Variants in GNA13 observed in about 807,000 individuals in gnomAD.
GNA13 encodes the protein guanine nucleotide-binding protein subunit alpha-13.
GNA13 carries 4 observed loss-of-function variants against 33.5 expected under a neutral mutation model. That is an observed-to-expected ratio of 0.12 (90% CI 0.06 to 0.27). The LOEUF is 0.27. Among genes scored for constraint, GNA13 ranks in the 10% least tolerant of loss-of-function variants. GNA13 has a pLI of 1.00. For synonymous variants in GNA13, 176 were observed against 183.8 expected (o/e 0.96, Z 0.34); for missense variants, 319 against 487.2 (o/e 0.65, Z 3.25).
intron 2 of GNA13, among the ~76,000 whole-genome samples, chr17:65,022,523 T>G (rs889715423): frequency 1.3e-5 from 2 of 152,180 alleles, no homozygotes; most frequent in African/African-American, 4.8e-5. Context: ...GGTAAAGCAT[T>G]ATTTATTATG....
At chr17:65,037,777 G>GACAAAAAAAAAA (rs145051963) in intron 2 of GNA13, among the ~76,000 whole-genome samples, 2 of 82,042 alleles carry the variant, frequency 2.4e-5, no homozygotes, top group African/African-American at 1.0e-4. Flanking sequence ...CTACAAAAAT[G>GACAAAAAAAAAA]GAAAAAAAAA....
Position 65,056,499 on chromosome 17 carries a change from T to C in GNA13, c.95A>G (p.Lys32Arg), listed in dbSNP as rs1303102438. 6.2e-7 allele frequency: 1 copy of C among 1,613,498 alleles called. No homozygotes were observed. Among genetic ancestry groups the C allele is most frequent in the South Asian group, 1.1e-5 (1 of 91,082 alleles). ...CCGAGACAGGCATTTGTCGATCTCCTTGGACTTGCGTTGCTGCTCGGCCTC... is the reference window on the plus strand; with the variant it reads ...CCGAGACAGGCATTTGTCGATCTCCCTGGACTTGCGTTGCTGCTCGGCCTC... ...SGEAEQQRKS[K>R]EIDKCLSREK... Residue 32 changes from lysine (K) to arginine (R), a missense_variant, in exon 1 of 4, where the codon AAG becomes AGG. By Grantham distance (26) the Lys-to-Arg change is conservative. This residue lies in a region of GNA13 where 47 missense variants were observed against 64.7 expected (regional missense o/e 0.73). Coordinates refer to ENST00000439174, the MANE Select transcript of GNA13 (RefSeq NM_006572.6).
Position 65,053,629 on chromosome 17 carries a change from C to T in GNA13, c.383G>A (p.Arg128Gln), listed in dbSNP as rs1322265190. The T allele has an allele frequency of 6.2e-7, 1 of 1,613,522 alleles. No homozygotes were observed. The highest frequency in any genetic ancestry group is 1.3e-5 in the African/African-American group (1 of 74,982). The stretch of plus-strand genomic sequence containing the variant: ...CATTCCTTGGGCTGCCATGGGGGCC[C>T]GGGTATCAAACGACATCATCTTATC... ...HGDKMMSFDT[R>Q]APMAAQGMVE... Residue 128 changes from arginine (R) to glutamine (Q), a missense_variant, in exon 2 of 4, where the codon CGG (arginine) becomes CAG (glutamine). Arg to Gln is a conservative substitution (Grantham distance 43). Transcript: ENST00000439174.
chr17:65,032,142 G>C (rs1338747037), intron 2 of GNA13, among the ~76,000 whole-genome samples: 7 of 152,000 alleles, frequency 4.6e-5, no homozygotes, highest in Non-Finnish European at 8.8e-5. Flanking sequence ...AAAGTTTTCA[G>C]CAACAATTAA....
rs145051963 is a variant in GNA13 at position 65,037,777 on chromosome 17, G to GAAAAAAAAA, written c.510+15724_510+15725insTTTTTTTTT. ...AGAGAGACCCAGCCTCTACAAAAAT[G>GAAAAAAAAA]GAAAAAAAAAAAAAAAAAAAAAAGA... On this transcript the variant is annotated intron_variant, in intron 2 of 3. Transcript: ENST00000439174. 8.7e-4 allele frequency among the ~76,000 whole-genome samples: 71 copies of GAAAAAAAAA among 82,052 alleles called. 27 individuals carry two copies. The highest frequency in any genetic ancestry group is 8.5e-3 in the South Asian group (17 of 2,006). 53.8% of individuals were successfully genotyped at this position (82,052 alleles called of 152,430 possible).
chr17:65,017,056 T>G (rs1906395271), intron 3 of GNA13, among the ~76,000 whole-genome samples: 2 of 152,198 alleles, frequency 1.3e-5, no homozygotes, highest in African/African-American at 4.8e-5. Flanking sequence ...TTTGGACTAT[T>G]TCCTAAGATT....
At chr17:65,048,600 C>A (rs1907753080) in intron 2 of GNA13, among the ~76,000 whole-genome samples, 1 of 152,110 alleles carries the variant, frequency 6.6e-6, no homozygotes, top group Non-Finnish European at 1.5e-5. Context: ...TTAGCTGACC[C>A]ATGATGGAAC....
At chr17:65,028,106 G>A (rs1226630038) in intron 2 of GNA13, among the ~76,000 whole-genome samples, 2 of 152,188 alleles carry the variant, frequency 1.3e-5, no homozygotes, top group East Asian at 1.9e-4. Flanking sequence ...GGTGCCTGTA[G>A]TCCCAGCTAC....
intron 3 of GNA13, among the ~76,000 whole-genome samples, chr17:65,016,107 C>T (rs765855506): frequency 2.0e-5 from 3 of 152,234 alleles, no homozygotes; most frequent in Non-Finnish European, 4.4e-5. Flanking sequence ...CTTCCTTATG[C>T]AATGTAACTG....
At chr17:65,044,531 T>C (rs879465798) in intron 2 of GNA13, among the ~76,000 whole-genome samples, 6 of 151,742 alleles carry the variant, frequency 4.0e-5, no homozygotes, top group Non-Finnish European at 7.4e-5. Context: ...GGCACGGTGG[T>C]GGCTCACGCC....
At chr17:65,037,635 AAG>A (rs1349955393) in intron 2 of GNA13, among the ~76,000 whole-genome samples, 1 of 151,986 alleles carries the variant, frequency 6.6e-6, no homozygotes, top group Non-Finnish European at 1.5e-5. Context: ...GAGATTTCTC[AAG>A]ACTCTACTGT....
At chr17:65,034,012 C>CAAAAAAAAA (rs780895691) in intron 2 of GNA13, among the ~76,000 whole-genome samples, 2 of 50,080 alleles carry the variant, frequency 4.0e-5, no homozygotes, top group Non-Finnish European at 6.4e-5. Context: ...GACTCCGTCT[C>CAAAAAAAAA]AAAAAAAAAA....
chr17:65,053,581 T>G lies in GNA13; in HGVS notation c.431A>C (p.Gln144Pro), dbSNP rs1354336837. 6.2e-7 allele frequency: 1 copy of G among 1,614,014 alleles called. No individual in the cohort carries two copies. The highest frequency in any genetic ancestry group is 1.1e-5 in the South Asian group (1 of 91,086). Residue 144 changes from glutamine (Q) to proline (P), a missense_variant, in exon 2 of 4, where the codon CAA (glutamine) becomes CCA (proline). By Grantham distance (76) the Gln-to-Pro change is moderately conservative. Around this residue, in one of 4 missense-constraint regions of GNA13, gnomAD observed 136 missense variants for 159.3 expected, o/e 0.85. Coordinates refer to ENST00000439174, the MANE Select transcript of GNA13 (RefSeq NM_006572.6). The part of the protein sequence containing the change: ...QGMVETRVFL[Q>P]YLPAIRALWA... ...TAATGCTCTTATAGCAGGAAGATAT[T>G]GTAAGAAAACCCTTGTTTCCACCAT...
chr17:65,042,634 G>T (rs191490641), intron 2 of GNA13, among the ~76,000 whole-genome samples: 4 of 152,060 alleles, frequency 2.6e-5, no homozygotes, highest in Admixed American at 1.3e-4. Flanking sequence ...CTACTTGGGA[G>T]GCCAAGGAAG....
intron 2 of GNA13, among the ~76,000 whole-genome samples, chr17:65,022,538 G>A (rs911927002): frequency 9.2e-5 from 14 of 152,104 alleles, no homozygotes; most frequent in African/African-American, 3.4e-4. Flanking sequence ...ATTATGCAAT[G>A]ACACTATAGC....
At chr17:65,018,814 T>C (rs189329512) in intron 2 of GNA13, among the ~76,000 whole-genome samples, 28 of 152,286 alleles carry the variant, frequency 1.8e-4, no homozygotes, top group Admixed American at 1.8e-3. Context: ...AGGCCCTGGA[T>C]AGTGCTGCCA....
chr17:65,035,973 TCTG>T (rs1907233296), intron 2 of GNA13, among the ~76,000 whole-genome samples: 1 of 152,190 alleles, frequency 6.6e-6, no homozygotes, highest in Admixed American at 6.5e-5. Flanking sequence ...GGTGGAAAAT[TCTG>T]CTGTGATGAT....
intron 2 of GNA13, among the ~76,000 whole-genome samples, chr17:65,033,319 T>C (rs910265692): frequency 6.9e-6 from 1 of 144,560 alleles, no homozygotes; most frequent in Non-Finnish European, 1.5e-5. Context: ...ACCCCATCTC[T>C]AAAAAAAAAA....
At chr17:65,021,840 A>C (rs1906593089) in intron 2 of GNA13, among the ~76,000 whole-genome samples, 1 of 152,260 alleles carries the variant, frequency 6.6e-6, no homozygotes, top group Non-Finnish European at 1.5e-5. Context: ...TAGATTTTCT[A>C]ATAAAAAGCA....
Sources: allele counts gnomAD v4.1 joint callset (sites outside exome capture counted in the v4.1 genomes callset), GRCh38; gene constraint gnomAD v4.1.1; regional missense constraint gnomAD v4.1.1; transcripts MANE v1.5; gene names NCBI Gene and HGNC (gene_info 2026-07-23, HGNC 2026-07-21).